The following OPHN1 variants were observed in gnomAD, a reference collection of about 807,000 sequenced individuals.
The protein encoded by OPHN1 is oligophrenin 1, also known as oligophrenin-1.
In OPHN1, 11 loss-of-function variants were observed where a neutral mutation model predicts 60.7. The observed-to-expected ratio is 0.18, with a 90% confidence interval of 0.11 to 0.30. The LOEUF is 0.30. Among genes scored for constraint, OPHN1 ranks in the 10% least tolerant of loss-of-function variants. The pLI, the probability that OPHN1 is intolerant of heterozygous loss-of-function variation, is 1.00. For synonymous variants in OPHN1, 226 were observed against 222.6 expected, an observed-to-expected ratio of 1.02 and a Z score of -0.14; for missense variants, 449 against 611.0, an observed-to-expected ratio of 0.73 and a Z score of 2.80.
intron 15 of OPHN1, among the ~76,000 whole-genome samples, chrX:68,169,691 C>T (rs1394714354): frequency 1.5e-4 from 16 of 109,001 alleles, no homozygotes; most frequent in African/African-American, 4.1e-4. Flanking sequence ...AAGGATTCCC[C>T]GTTTAATAAA....
intron 19 of OPHN1, among the ~76,000 whole-genome samples, chrX:68,092,004 T>G (rs188657913): frequency 9.0e-6 from 1 of 111,388 alleles, no homozygotes; most frequent in East Asian, 2.8e-4. Flanking sequence ...TAAAAAAAAA[T>G]TTTAAGCAAG....
intron 2 of OPHN1, among the ~76,000 whole-genome samples, chrX:68,302,097 A>G (rs2078123780): frequency 8.9e-6 from 1 of 112,433 alleles, no homozygotes; most frequent in African/African-American, 3.2e-5. Flanking sequence ...ACACTCCATT[A>G]TGTAAATATA....
intron 15 of OPHN1, among the ~76,000 whole-genome samples, chrX:68,170,581 A>C (rs1602209008): frequency 9.1e-6 from 1 of 110,466 alleles, no homozygotes; most frequent in East Asian, 2.9e-4. Context: ...GCACATATAC[A>C]CCGTGGAATA....
chrX:68,117,432 C>T (rs755362995), intron 16 of OPHN1, among the ~76,000 whole-genome samples: 3 of 112,004 alleles, frequency 2.7e-5, no homozygotes, highest in Non-Finnish European at 5.6e-5. Flanking sequence ...CTGACTGTCC[C>T]CTTTACTAGG....
At chrX:68,356,888 C>T (rs913003972) in intron 2 of OPHN1, among the ~76,000 whole-genome samples, 30 of 111,380 alleles carry the variant, frequency 2.7e-4, no homozygotes, top group African/African-American at 9.8e-4. Flanking sequence ...CACGAAAAAC[C>T]TCGTGTTGTA....
At chrX:68,401,094 C>A in intron 2 of OPHN1, among the ~76,000 whole-genome samples, 1 of 111,474 alleles carries the variant, frequency 9.0e-6, no homozygotes, top group Middle Eastern at 4.7e-3. Flanking sequence ...CTTTCACTTC[C>A]CACCAGGCAC....
chrX:68,419,293 C>T (rs909434510), intron 2 of OPHN1, among the ~76,000 whole-genome samples: 7 of 109,144 alleles, frequency 6.4e-5, no homozygotes, highest in African/African-American at 2.3e-4. Flanking sequence ...GGATTATGGC[C>T]TTTCTCTCCT....
At chrX:68,403,547 G>A (rs1430882112) in intron 2 of OPHN1, among the ~76,000 whole-genome samples, 1 of 111,324 alleles carries the variant, frequency 9.0e-6, no homozygotes, top group Non-Finnish European at 1.9e-5. Context: ...TGTTGATGTT[G>A]AAATGATAGC....
intron 2 of OPHN1, among the ~76,000 whole-genome samples, chrX:68,314,098 C>A (rs1211197498): frequency 8.9e-6 from 1 of 111,763 alleles, no homozygotes; most frequent in Admixed American, 9.5e-5. Context: ...CAATTGCATG[C>A]CAACCAATTG....
rs188172966 is a variant in OPHN1, at chrX:68,212,036, A to T, written c.702+72T>A. 1.2e-4 allele frequency: 90 copies of T among 754,218 alleles called. No individual in the cohort carries two copies. The Middle Eastern group carries it at 1.7e-3, about 14-fold the overall frequency. The allele number at this position is 754,218 out of a possible 1,213,427, so 62.2% of individuals were successfully genotyped here. The stretch of plus-strand genomic sequence containing the variant: ...GGATGCAGTAACCTAGAATTCCAAG[A>T]ATCAAGGTCGCTAGGGCTGAAATTC... On this transcript the variant is annotated intron_variant, in intron 8 of 24. Transcript: ENST00000355520.
chrX:68,395,058 C>T (rs1480600424), intron 2 of OPHN1, among the ~76,000 whole-genome samples: 1 of 110,637 alleles, frequency 9.0e-6, no homozygotes, highest in East Asian at 2.8e-4. Flanking sequence ...CAGACTCAAG[C>T]GATTCTCATG....
chrX:68,228,557 T>C (rs2077709670), intron 6 of OPHN1, among the ~76,000 whole-genome samples: 1 of 111,662 alleles, frequency 9.0e-6, no homozygotes, highest in South Asian at 3.8e-4. Flanking sequence ...AAAAAGCTTA[T>C]CCACCACGAT....
chrX:68,124,035 G>T (rs1416968312), intron 15 of OPHN1, among the ~76,000 whole-genome samples: 1 of 110,354 alleles, frequency 9.1e-6, no homozygotes, highest in East Asian at 2.8e-4. Context: ...AAAATAAAAG[G>T]GTGGAAAAAA....
chrX:68,426,022 A>C (rs1196201075), intron 2 of OPHN1, among the ~76,000 whole-genome samples: 1 of 110,227 alleles, frequency 9.1e-6, no homozygotes, highest in Admixed American at 9.7e-5. Context: ...TGTAGAGACA[A>C]GGTTTCGCCA....
intron 18 of OPHN1, among the ~76,000 whole-genome samples, chrX:68,104,653 G>A (rs972444924): frequency 1.6e-4 from 17 of 108,768 alleles, no homozygotes; most frequent in Non-Finnish European, 3.3e-4. Flanking sequence ...AGACCTTATA[G>A]TTAACACAAG....
At chrX:68,306,498 G>C (rs190040227) in intron 2 of OPHN1, among the ~76,000 whole-genome samples, 1 of 111,865 alleles carries the variant, frequency 8.9e-6, no homozygotes, top group Non-Finnish European at 1.9e-5. Context: ...ACAAAGAAGG[G>C]GAGCAAGAAT....
chrX:68,387,596 T>C (rs1429441882), intron 2 of OPHN1, among the ~76,000 whole-genome samples: 2 of 111,783 alleles, frequency 1.8e-5, no homozygotes, highest in Non-Finnish European at 3.8e-5. Flanking sequence ...ACTTTGTCTC[T>C]TTCACCAACA....
At chrX:68,357,066 T>C (rs73634115) in intron 2 of OPHN1, among the ~76,000 whole-genome samples, 6,258 of 110,917 alleles carry the variant, frequency 0.056, 427 homozygotes, top group African/African-American at 0.2. Flanking sequence ...GTGGTGATGG[T>C]CGCAAAACTC....
chrX:68,264,939 C>T (rs2077915333), intron 5 of OPHN1, among the ~76,000 whole-genome samples: 1 of 112,436 alleles, frequency 8.9e-6, no homozygotes, highest in Admixed American at 9.4e-5. Flanking sequence ...GCTAGCACAG[C>T]AGTCTGAGAT....
Sources: allele counts gnomAD v4.1 joint callset (sites outside exome capture counted in the v4.1 genomes callset), GRCh38; gene constraint gnomAD v4.1.1; transcripts MANE v1.5; gene names NCBI Gene and HGNC (gene_info 2026-07-23, HGNC 2026-07-21).